The following GLCCI1 variants were observed in gnomAD, a reference collection of about 807,000 sequenced individuals.
GLCCI1 encodes glucocorticoid induced 1, also known as glucocorticoid-induced transcript 1 protein.
Under a neutral mutation model 52.2 loss-of-function variants are expected in GLCCI1, and 24 were observed. That is an observed-to-expected ratio of 0.46 (90% confidence interval 0.33 to 0.65). The LOEUF (loss-of-function observed/expected upper bound fraction) is 0.65. Ranked by LOEUF, GLCCI1 falls within the 30% of genes least tolerant of loss-of-function variation. GLCCI1 has a pLI of 0.02. For missense variants in GLCCI1, 704 were observed against 701.5 expected (o/e 1.00, Z -0.04); for synonymous variants, 310 against 276.5 (o/e 1.12, Z -1.20).
intron 6 of GLCCI1, among the ~76,000 whole-genome samples, chr7:8,076,484 G>A (rs1782879141): frequency 6.6e-6 from 1 of 152,054 alleles, no homozygotes. Flanking sequence ...AGCATCTTAA[G>A]ATACATACAT....
chr7:8,019,721 T>A (rs1781447202), intron 2 of GLCCI1, among the ~76,000 whole-genome samples: 1 of 152,220 alleles, frequency 6.6e-6, no homozygotes. Flanking sequence ...CTGTACAGCA[T>A]GTTACCGTAA....
Position 8,079,935 on chromosome 7 carries a change from A to T in GLCCI1, c.1178-4962A>T, listed in dbSNP as rs559211407. Among the ~76,000 whole-genome samples the T allele has an allele frequency of 1.8e-4, 27 of 151,666 alleles. No individual in the cohort carries two copies. The South Asian group carries it at 4.8e-3, about 27-fold the overall frequency. On this transcript the variant is annotated intron_variant, in intron 6 of 7. Transcript: ENST00000223145. ...CTAAAGGAGATCTTACATATAGCTGATGTCTTGGTTCATTACAATTCTTTA... is the reference window on the plus strand; with the variant it reads ...CTAAAGGAGATCTTACATATAGCTGTTGTCTTGGTTCATTACAATTCTTTA...
intron 1 of GLCCI1, among the ~76,000 whole-genome samples, chr7:7,985,497 TAACA>T (rs1780704180): frequency 6.6e-6 from 1 of 151,672 alleles, no homozygotes; most frequent in Non-Finnish European, 1.5e-5. Flanking sequence ...TTTACCTGTG[TAACA>T]AACCTGCACG....
chr7:8,061,351 C>T (rs1027710515), intron 5 of GLCCI1, among the ~76,000 whole-genome samples: 6 of 152,124 alleles, frequency 3.9e-5, no homozygotes, highest in East Asian at 1.9e-4. Context: ...CCGTCCACCT[C>T]GGCCTCCCAA....
chr7:8,086,308 G>A lies in GLCCI1; in HGVS notation c.1414G>A (p.Ala472Thr). 6.2e-7 allele frequency: 1 copy of A among 1,613,986 alleles called. No individual in the cohort carries two copies. The highest frequency in any genetic ancestry group is 8.5e-7 in the Non-Finnish European group (1 of 1,179,942). The change falls in exon 8 of 8, where the codon GCT (alanine) becomes ACT (threonine). Residue 472 changes from alanine to threonine, a missense_variant. This residue lies in a region of GLCCI1 where 149 missense variants were observed against 152.9 expected (regional missense o/e 0.97). Transcript: ENST00000223145. The surrounding 1 kb of genome is among the most constrained non-coding windows in gnomAD (Gnocchi z 4.4). ...PVKLLGPLLP[A>T]SDLMLKNSPN... ...AAAACTTCTAGGCCCCCTCTTACCT[G>A]CTTCTGACCTTATGCTCAAGAACTC...
intron 2 of GLCCI1, among the ~76,000 whole-genome samples, chr7:8,011,395 A>C (rs1002756473): frequency 6.6e-6 from 1 of 152,104 alleles, no homozygotes; most frequent in Non-Finnish European, 1.5e-5. Flanking sequence ...AAAATCATAC[A>C]GTATTTTCCT....
Position 7,969,870 on chromosome 7 carries a change from A to C in GLCCI1, c.457+63A>C. On this transcript the variant is annotated intron_variant, in intron 1 of 7. Transcript: ENST00000223145. The surrounding 1 kb of genome is among the most constrained non-coding windows in gnomAD (Gnocchi z 4.9). Reference sequence around the variant, plus strand: ...CTCCCCGACGGTGCCCTCCGTGGAAACTTCAGCCTCTTCGGGCTTCTCTTT... The same window carrying C: ...CTCCCCGACGGTGCCCTCCGTGGAACCTTCAGCCTCTTCGGGCTTCTCTTT... 2.3e-6 allele frequency: 3 copies of C among 1,290,912 alleles called. No homozygotes were observed. Among genetic ancestry groups the C allele is most frequent in the Non-Finnish European group, 3.0e-6 (3 of 1,007,390 alleles). 80.0% of individuals were successfully genotyped at this position (1,290,912 alleles called of 1,614,324 possible). A position where few individuals can be genotyped will look rare whatever the true frequency, so the allele number is the denominator to read the frequency against.
intron 5 of GLCCI1, among the ~76,000 whole-genome samples, chr7:8,066,640 G>C (rs2159510): frequency 0.73 from 110,701 of 151,054 alleles, 40,936 homozygotes; most frequent in African/African-American, 0.83. Flanking sequence ...CATGGTTTAC[G>C]CAAATGCCAT....
chr7:8,027,050 A>G (rs1439510329), intron 3 of GLCCI1, among the ~76,000 whole-genome samples: 1 of 152,208 alleles, frequency 6.6e-6, no homozygotes, highest in Non-Finnish European at 1.5e-5. Flanking sequence ...TGAAGACTAC[A>G]ATAAATACCT....
In GLCCI1 at chr7:8,055,589, A is replaced by G. The variant is rs772792962; in HGVS notation, c.813+40A>G. ...TGTCCAGATTTGAATAATTACTTTT[A>G]GTTCATTAAGGAAGGGAATTCATCA... On this transcript the variant is annotated intron_variant, in intron 4 of 7. Coordinates refer to ENST00000223145, the MANE Select transcript of GLCCI1 (RefSeq NM_138426.4). The G allele has an allele frequency of 6.9e-6, 8 of 1,161,786 alleles. No homozygotes were observed. The South Asian group carries it at 7.4e-5, about 11-fold the overall frequency. 72.0% of individuals were successfully genotyped at this position (1,161,786 alleles called of 1,614,324 possible). A position where few individuals can be genotyped will look rare whatever the true frequency, so the allele number is the denominator to read the frequency against.
At position 8,088,941 on chromosome 7, in the gene GLCCI1, T is replaced by C. The variant is rs565952858; in HGVS notation, c.*2403T>C. On this transcript the variant is annotated 3_prime_UTR_variant, in exon 8 of 8. Transcript: ENST00000223145. ...TTTTGTATATAATTGTACTGTTTAA[T>C]TCTAGCCATTGCGCTGAACAGTATT... 2 of 152,816 alleles carry C rather than the reference T, an allele frequency of 1.3e-5. No individual in the cohort carries two copies. The highest frequency in any genetic ancestry group is 4.8e-5 in the African/African-American group (2 of 41,590). The allele number at this position is 152,816 out of a possible 1,614,324, so 9.5% of individuals were successfully genotyped here.
intron 1 of GLCCI1, among the ~76,000 whole-genome samples, chr7:7,972,432 G>A (rs774262358): frequency 3.3e-5 from 5 of 152,202 alleles, no homozygotes; most frequent in Non-Finnish European, 7.4e-5. Context: ...ATAGTATAAA[G>A]GCATATTGTT....
At chr7:8,030,240 A>G (rs1268536882) in intron 3 of GLCCI1, among the ~76,000 whole-genome samples, 1 of 152,186 alleles carries the variant, frequency 6.6e-6, no homozygotes, top group Non-Finnish European at 1.5e-5. Context: ...AAACAAATTC[A>G]CACACCTAAA....
intron 3 of GLCCI1, among the ~76,000 whole-genome samples, chr7:8,044,632 A>G (rs1782081090): frequency 6.6e-6 from 1 of 152,124 alleles, no homozygotes. Context: ...CTGCCTCTCA[A>G]AGTGCTAAAA....
intron 1 of GLCCI1, among the ~76,000 whole-genome samples, chr7:7,999,764 G>A (rs1326459414): frequency 6.6e-6 from 1 of 152,060 alleles, no homozygotes; most frequent in Non-Finnish European, 1.5e-5. Context: ...TTAGCTGGGT[G>A]TGGTGATGCA....
chr7:8,018,824 A>G (rs1212968555), intron 2 of GLCCI1, among the ~76,000 whole-genome samples: 1 of 152,166 alleles, frequency 6.6e-6, no homozygotes, highest in Non-Finnish European at 1.5e-5. Flanking sequence ...AATTTATTTA[A>G]CTGTGGAACC....
At chr7:7,994,697 G>A (rs1780905256) in intron 1 of GLCCI1, among the ~76,000 whole-genome samples, 1 of 152,186 alleles carries the variant, frequency 6.6e-6, no homozygotes, top group South Asian at 2.1e-4. Flanking sequence ...TTCAAGTGTA[G>A]CACCTTTCTT....
At chr7:7,970,695 A>T (rs1780332268) in intron 1 of GLCCI1, among the ~76,000 whole-genome samples, 1 of 152,084 alleles carries the variant, frequency 6.6e-6, no homozygotes, top group African/African-American at 2.4e-5. Flanking sequence ...GGTTTTGTTT[A>T]TGTCTAGGGA....
intron 3 of GLCCI1, among the ~76,000 whole-genome samples, chr7:8,037,699 A>G (rs996305483): frequency 6.6e-6 from 1 of 152,198 alleles, no homozygotes; most frequent in Non-Finnish European, 1.5e-5. Flanking sequence ...AGGGGTGGAA[A>G]AAGACATTCC....
Sources: allele counts gnomAD v4.1 joint callset (sites outside exome capture counted in the v4.1 genomes callset), GRCh38; gene constraint gnomAD v4.1.1; regional missense constraint gnomAD v4.1.1; non-coding constraint Gnocchi (gnomAD v3.1); transcripts MANE v1.5; gene names NCBI Gene and HGNC (gene_info 2026-07-23, HGNC 2026-07-21).